Variants in CRB1 observed in about 807,000 individuals in gnomAD.
The protein encoded by CRB1 is crumbs cell polarity complex component 1.
In CRB1, 83 loss-of-function variants were observed where a neutral mutation model predicts 120.0. The ratio of observed to expected loss-of-function variants is 0.69; its 90% CI spans 0.58 to 0.83. CRB1 has a LOEUF of 0.83. Among genes scored for constraint, CRB1 ranks in the 40% least tolerant of loss-of-function variants. The pLI, the probability that CRB1 is intolerant of heterozygous loss-of-function variation, is 0.00. For missense variants in CRB1, 1,699 were observed against 1,687.6 expected (o/e 1.01, Z -0.12); for synonymous variants, 625 against 612.5 (o/e 1.02, Z -0.30).
At chr1:197,389,933 T>C (rs1662411296) in intron 5 of CRB1, among the ~76,000 whole-genome samples, 1 of 151,952 alleles carries the variant, frequency 6.6e-6, no homozygotes, top group African/African-American at 2.4e-5. Flanking sequence ...TGAATGAAAA[T>C]GATGTGAGAT....
At chr1:197,347,211 C>A in intron 3 of CRB1, 129 bp from the exon 4 acceptor site, 1 of 819,318 alleles carries the variant, frequency 1.2e-6, no homozygotes, top group South Asian at 1.4e-5. Context: ...ATAGATAATT[C>A]CCCAGAGTTT....
chr1:197,212,148 A>T, the CRB1 span, among the ~76,000 whole-genome samples: 1 of 152,316 alleles, frequency 6.6e-6, no homozygotes, highest in East Asian at 1.9e-4. Context: ...GAGGACATAG[A>T]TAAACTGAAA....
intron 1 of CRB1, among the ~76,000 whole-genome samples, chr1:197,298,085 G>C (rs1442338374): frequency 2.0e-5 from 3 of 152,068 alleles, no homozygotes; most frequent in Non-Finnish European, 4.4e-5. Flanking sequence ...GGAAATAAAG[G>C]AGAGATAAAG....
At chr1:197,261,413 G>A in the CRB1 span, among the ~76,000 whole-genome samples, 6 of 152,194 alleles carry the variant, frequency 3.9e-5, no homozygotes, top group East Asian at 1.9e-4. Flanking sequence ...GAAATGCCGC[G>A]TGGCATTAAA....
chr1:197,333,023 A>T (rs1008235173), intron 2 of CRB1, among the ~76,000 whole-genome samples: 1 of 152,198 alleles, frequency 6.6e-6, no homozygotes, highest in Admixed American at 6.5e-5. Context: ...AATCCTGGAA[A>T]CTGTATTACA....
intron 9 of CRB1, among the ~76,000 whole-genome samples, chr1:197,435,890 C>A (rs911680887): frequency 5.9e-5 from 9 of 152,082 alleles, no homozygotes; most frequent in Non-Finnish European, 1.2e-4. Context: ...GCCCCAGGGT[C>A]TAACAGTTTC....
intron 5 of CRB1, among the ~76,000 whole-genome samples, chr1:197,371,810 A>G (rs1661385197): frequency 6.6e-6 from 1 of 152,120 alleles, no homozygotes; most frequent in South Asian, 2.1e-4. Context: ...TACGGTAAGC[A>G]GTAAGAAGCC....
In CRB1 at chr1:197,435,305, T is replaced by C. The variant is rs2125500491; in HGVS notation, c.3442T>C (p.Cys1148Arg). 1 of 1,613,844 alleles carries C rather than the reference T, an allele frequency of 6.2e-7. No homozygotes were observed. ...GTTAAATGTCTGCAACTCCAACCCCTGTTTGCATGGAGGAAACTGTGAAGA... is the reference window on the plus strand; with the variant it reads ...GTTAAATGTCTGCAACTCCAACCCCCGTTTGCATGGAGGAAACTGTGAAGA... ...LQLNVCNSNP[C>R]LHGGNCEDIY... The change falls in exon 9 of 12, where the codon TGT becomes CGT. Residue 1148 changes from cysteine to arginine, a missense_variant. By Grantham distance (180) the Cys-to-Arg change is radical. Transcript: ENST00000367400.
rs114978656 is a variant in CRB1 at position 197,446,884 on chromosome 1, T to C, written c.4005+4592T>C. ...TCTGTTGGATATCTAAATACAGTTA[T>C]TAATCAGTGTGCATATTCCATTCTG... On this transcript the variant is annotated intron_variant, in intron 11 of 11. Coordinates refer to ENST00000367400, the MANE Select transcript of CRB1 (RefSeq NM_201253.3). 4.9e-3 allele frequency among the ~76,000 whole-genome samples: 742 copies of C among 152,318 alleles called. 9 individuals carry two copies. The highest frequency in any genetic ancestry group is 0.017 in the African/African-American group (693 of 41,558).
At chr1:197,355,086 T>C (rs991614976) in intron 4 of CRB1, among the ~76,000 whole-genome samples, 1 of 151,550 alleles carries the variant, frequency 6.6e-6, no homozygotes. Flanking sequence ...CCACAAACCT[T>C]GAGCTAGACA....
chr1:197,222,966 A>G, the CRB1 span: 38 of 835,830 alleles, frequency 4.5e-5, no homozygotes, highest in Middle Eastern at 2.3e-4. Flanking sequence ...AACATGTACA[A>G]TCTTTACAGT....
chr1:197,202,962 GGTGTGT>G, the CRB1 span, among the ~76,000 whole-genome samples: 901 of 147,642 alleles, frequency 6.1e-3, 5 homozygotes, highest in Non-Finnish European at 0.011. Flanking sequence ...ATGTCTTTGT[GGTGTGT>G]GTGTGTGTGT....
At chr1:197,363,723 G>A in intron 5 of CRB1, 1 of 497,780 alleles carries the variant, frequency 2.0e-6, no homozygotes, top group South Asian at 2.3e-5. Context: ...TGTGGTTGTT[G>A]GCATCCTGTG....
chr1:197,326,467 C>T (rs921374628), intron 1 of CRB1, among the ~76,000 whole-genome samples: 1 of 151,850 alleles, frequency 6.6e-6, no homozygotes, highest in Non-Finnish European at 1.5e-5. Context: ...CCCATCTCTA[C>T]TAAAATACAA....
At chr1:197,331,946 C>T (rs917352374) in intron 2 of CRB1, among the ~76,000 whole-genome samples, 5 of 151,986 alleles carry the variant, frequency 3.3e-5, no homozygotes, top group East Asian at 1.9e-4. Flanking sequence ...AGGCTGAGGC[C>T]GGCAGATCAC....
At chr1:197,293,154 T>C (rs879703238) in intron 1 of CRB1, among the ~76,000 whole-genome samples, 2 of 152,166 alleles carry the variant, frequency 1.3e-5, no homozygotes, top group Admixed American at 1.3e-4. Flanking sequence ...ATTGTATATT[T>C]AGAAAACCCC....
intron 5 of CRB1, among the ~76,000 whole-genome samples, chr1:197,383,431 T>G (rs1279481402): frequency 2.0e-5 from 3 of 152,202 alleles, no homozygotes; most frequent in Non-Finnish European, 2.9e-5. Context: ...TAAGTGTACC[T>G]GGAGCTGGTC....
intron 1 of CRB1, among the ~76,000 whole-genome samples, chr1:197,276,288 T>C (rs1419722088): frequency 6.6e-6 from 1 of 151,924 alleles, no homozygotes; most frequent in East Asian, 1.9e-4. Context: ...AAAATTTTAC[T>C]GGTTTTAGAG....
rs1658648856 is a variant in CRB1, at chr1:197,328,449, G to A, written c.98G>A (p.Arg33Lys). 4 of 1,613,900 alleles carry A rather than the reference G, an allele frequency of 2.5e-6. No individual in the cohort carries two copies. The highest frequency in any genetic ancestry group is 3.4e-6 in the Non-Finnish European group (4 of 1,179,828). Reference protein sequence around the residue: ...KNSFCNKNNTRCLSNSCQNNS... With the variant: ...KNSFCNKNNTKCLSNSCQNNS... ...TCCTTTTGCAATAAAAACAACACCA[G>A]GTGCCTCTCAAATTCTTGCCAAAAC... Residue 33 changes from arginine (R) to lysine (K), a missense_variant, in exon 2 of 12, where the codon AGG (arginine) becomes AAG (lysine). Coordinates refer to ENST00000367400, the MANE Select transcript of CRB1 (RefSeq NM_201253.3).
Sources: allele counts gnomAD v4.1 joint callset (sites outside exome capture counted in the v4.1 genomes callset), GRCh38; gene constraint gnomAD v4.1.1; transcripts MANE v1.5; gene names NCBI Gene and HGNC (gene_info 2026-07-23, HGNC 2026-07-21).